CADM2: variants seen among roughly 807,000 people sequenced by gnomAD.
The protein encoded by CADM2 is immunoglobulin superfamily member 4D.
CADM2 carries 12 observed loss-of-function variants against 49.8 expected under a neutral mutation model. The observed-to-expected ratio is 0.24, with a 90% confidence interval of 0.15 to 0.39. The LOEUF is 0.39. Among genes scored for constraint, CADM2 ranks in the 10% least tolerant of loss-of-function variants. CADM2 has a pLI of 1.00. For missense variants in CADM2, 378 were observed against 492.3 expected (o/e 0.77, Z 2.20); for synonymous variants, 214 against 175.4 (o/e 1.22, Z -1.74).
intron 1 of CADM2, among the ~76,000 whole-genome samples, chr3:85,270,539 A>C (rs184574919): frequency 6.6e-4 from 100 of 151,440 alleles, no homozygotes; most frequent in African/African-American, 2.3e-3. Flanking sequence ...GCTAGTATGT[A>C]TGTGATCATG....
chr3:85,863,223 CT>C (rs2075602584), intron 3 of CADM2, among the ~76,000 whole-genome samples: 1 of 151,996 alleles, frequency 6.6e-6, no homozygotes, highest in South Asian at 2.1e-4. Context: ...CACATGTGGT[CT>C]TTGTAAGTGA....
chr3:85,111,068 A>G (rs1364929935), intron 1 of CADM2, among the ~76,000 whole-genome samples: 1 of 151,944 alleles, frequency 6.6e-6, no homozygotes. Context: ...TTGTGACATC[A>G]GATCACTCTG....
At chr3:85,860,611 A>G (rs2075491580) in intron 3 of CADM2, among the ~76,000 whole-genome samples, 1 of 152,308 alleles carries the variant, frequency 6.6e-6, no homozygotes, top group African/African-American at 2.4e-5. Flanking sequence ...AGATAGCACC[A>G]TCTTCTTGTG....
intron 1 of CADM2, among the ~76,000 whole-genome samples, chr3:85,069,630 T>A (rs924061468): frequency 6.6e-6 from 1 of 152,138 alleles, no homozygotes; most frequent in African/African-American, 2.4e-5. Context: ...TACTTTTAGT[T>A]GTCATCAATA....
intron 1 of CADM2, among the ~76,000 whole-genome samples, chr3:85,675,246 A>G (rs1391311700): frequency 3.3e-5 from 5 of 152,098 alleles, no homozygotes; most frequent in Non-Finnish European, 7.4e-5. Flanking sequence ...CCAAGTTTCC[A>G]TTTTTAAGGT....
chr3:86,025,212 C>T (rs539289618), intron 8 of CADM2, among the ~76,000 whole-genome samples: 6 of 152,092 alleles, frequency 3.9e-5, no homozygotes, highest in South Asian at 2.1e-4. Flanking sequence ...CCCGCCACCA[C>T]GCCAGCCTAA....
chr3:86,063,773 G>A (rs1365066308), intron 8 of CADM2, among the ~76,000 whole-genome samples: 5 of 152,062 alleles, frequency 3.3e-5, no homozygotes, highest in Non-Finnish European at 7.4e-5. Flanking sequence ...GTTTTTGAAG[G>A]CATTCTTGCC....
At chr3:85,874,236 A>G (rs995094136) in intron 3 of CADM2, among the ~76,000 whole-genome samples, 17 of 152,186 alleles carry the variant, frequency 1.1e-4, no homozygotes, top group Non-Finnish European at 2.5e-4. Flanking sequence ...AGAAGGTACA[A>G]CTTCGGGATT....
chr3:85,473,452 C>T (rs1226512927), intron 1 of CADM2, among the ~76,000 whole-genome samples: 1 of 152,110 alleles, frequency 6.6e-6, no homozygotes, highest in East Asian at 1.9e-4. Context: ...GCAGTGAAAT[C>T]ATCTGCATAG....
intron 1 of CADM2, among the ~76,000 whole-genome samples, chr3:85,541,752 A>G (rs1477302569): frequency 3.6e-5 from 1 of 27,878 alleles, no homozygotes; most frequent in Non-Finnish European, 1.1e-4. Context: ...TATTTTATAT[A>G]TTTTATATAT....
At chr3:85,155,674 G>A (rs978443314) in intron 1 of CADM2, among the ~76,000 whole-genome samples, 4 of 151,830 alleles carry the variant, frequency 2.6e-5, no homozygotes, top group African/African-American at 9.7e-5. Flanking sequence ...TTCCAAAATT[G>A]ACCACATAGT....
intron 1 of CADM2, among the ~76,000 whole-genome samples, chr3:85,111,905 A>G (rs796457859): frequency 4.6e-5 from 7 of 151,936 alleles, no homozygotes; most frequent in African/African-American, 1.7e-4. Context: ...AATGGTTTCT[A>G]ATTTCGTTGT....
At chr3:85,436,429 G>A (rs2107532641) in intron 1 of CADM2, among the ~76,000 whole-genome samples, 1 of 152,072 alleles carries the variant, frequency 6.6e-6, no homozygotes, top group South Asian at 2.1e-4. Flanking sequence ...TCTTTTGCCT[G>A]ATTGCCCTGA....
intron 8 of CADM2, among the ~76,000 whole-genome samples, chr3:86,001,962 C>A (rs1730240476): frequency 6.6e-6 from 1 of 151,840 alleles, no homozygotes; most frequent in Non-Finnish European, 1.5e-5. Context: ...AATTATGAAC[C>A]TGATAGCAAA....
At chr3:85,857,541 C>T (rs1448127498) in intron 3 of CADM2, among the ~76,000 whole-genome samples, 3 of 152,050 alleles carry the variant, frequency 2.0e-5, no homozygotes, top group African/African-American at 2.4e-5. Context: ...GCAGTGGTGC[C>T]GTCATAGCTC....
chr3:85,311,438 C>T (rs1233827626), intron 1 of CADM2, among the ~76,000 whole-genome samples: 3 of 151,306 alleles, frequency 2.0e-5, no homozygotes, highest in Non-Finnish European at 2.9e-5. Context: ...TGCAGTGGCG[C>T]GATCTCGGCT....
intron 1 of CADM2, among the ~76,000 whole-genome samples, chr3:85,570,494 T>C (rs59211082): frequency 0.51 from 78,040 of 152,046 alleles, 23,067 homozygotes; most frequent in East Asian, 0.85. Flanking sequence ...TTCAGTCATA[T>C]AGACATAAAG....
rs140373115 is a variant in CADM2, at chr3:85,897,565, G to A, written c.529+11238G>A. 5.1e-4 allele frequency among the ~76,000 whole-genome samples: 78 copies of A among 152,132 alleles called. 1 individual carries two copies. Among genetic ancestry groups the A allele is most frequent in the African/African-American group, 1.6e-3 (65 of 41,522 alleles). ...ATTACAGGCGTGAGCCACCGCGCCC[G>A]GCCTAACCTACATCTTAGTAATAGT... On this transcript the variant is annotated intron_variant, in intron 5 of 9. Transcript: ENST00000383699.
At chr3:85,349,723 C>A (rs989534) in intron 1 of CADM2, among the ~76,000 whole-genome samples, 142,049 of 152,268 alleles carry the variant, frequency 0.93, 66,527 homozygotes, top group Non-Finnish European at 0.97. Context: ...GAATGTTTTG[C>A]TTATTGCAGT....
Sources: gnomAD v4.1 joint callset for allele counts (sites outside exome capture counted in the v4.1 genomes callset) on GRCh38, gnomAD v4.1.1 for gene constraint, MANE v1.5 for transcripts, NCBI Gene and HGNC (gene_info 2026-07-23, HGNC 2026-07-21) for gene names.